ZBTB46: variants seen among roughly 807,000 people sequenced by gnomAD.
The protein encoded by ZBTB46 is zinc finger and BTB domain-containing protein 46.
A neutral mutation model predicts 44.1 loss-of-function variants in ZBTB46; 8 were observed. That is an observed-to-expected ratio of 0.18 (90% CI 0.11 to 0.33). The LOEUF is 0.33. Among genes scored for constraint, ZBTB46 ranks in the 10% least tolerant of loss-of-function variants. The pLI, the probability that ZBTB46 is intolerant of heterozygous loss-of-function variation, is 1.00. For missense variants in ZBTB46, 651 were observed against 847.7 expected (o/e 0.77, Z 2.88); for synonymous variants, 409 against 382.3 (o/e 1.07, Z -0.81).
chr20:63,757,647 C>T (rs1374165959), intron 3 of ZBTB46, among the ~76,000 whole-genome samples: 6 of 152,178 alleles, frequency 3.9e-5, no homozygotes, highest in Non-Finnish European at 8.8e-5. Context: ...TTTCCAAGAT[C>T]ACCTTAGCCA....
intron 1 of ZBTB46, among the ~76,000 whole-genome samples, chr20:63,809,984 A>G (rs2092708721): frequency 6.6e-6 from 1 of 151,776 alleles, no homozygotes; most frequent in South Asian, 2.1e-4. Context: ...AGAAAAGAAA[A>G]CTCTAAATAC....
At chr20:63,748,337 C>G (rs763502676) in intron 4 of ZBTB46, among the ~76,000 whole-genome samples, 8 of 152,216 alleles carry the variant, frequency 5.3e-5, no homozygotes, top group Admixed American at 1.3e-4. Flanking sequence ...GCACTGGCCT[C>G]AAGGCCTGAG....
chr20:63,784,436 G>A (rs2092496028), intron 2 of ZBTB46, among the ~76,000 whole-genome samples: 1 of 152,188 alleles, frequency 6.6e-6, no homozygotes, highest in Non-Finnish European at 1.5e-5. Context: ...CACCTCACCA[G>A]GGTTCAAGTA....
intron 2 of ZBTB46, among the ~76,000 whole-genome samples, chr20:63,788,621 C>T (rs751649803): frequency 2.0e-4 from 31 of 151,986 alleles, no homozygotes; most frequent in Non-Finnish European, 4.1e-4. Context: ...GGTGGATCAC[C>T]TGAAGTCAGG....
At chr20:63,819,530 A>T (rs972362416) in intron 1 of ZBTB46, among the ~76,000 whole-genome samples, 4 of 152,160 alleles carry the variant, frequency 2.6e-5, no homozygotes, top group Admixed American at 2.6e-4. Context: ...GGTCCCACAG[A>T]CGATGGGACC....
At chr20:63,759,869 A>T (rs1186207269) in intron 3 of ZBTB46, among the ~76,000 whole-genome samples, 1 of 151,848 alleles carries the variant, frequency 6.6e-6, no homozygotes. Flanking sequence ...ATTTTATCAA[A>T]AGTGTTTCCT....
At chr20:63,832,656 C>G (rs2092858142), upstream of ZBTB46, among the ~76,000 whole-genome samples, 1 of 152,116 alleles carries the variant, frequency 6.6e-6, no homozygotes, top group Non-Finnish European at 1.5e-5. The surrounding 1 kb of genome is among the most constrained non-coding windows in gnomAD (Gnocchi z 5.0). Flanking sequence ...ACACCCCGTT[C>G]CCATCCCCTC....
intron 1 of ZBTB46, among the ~76,000 whole-genome samples, chr20:63,830,817 C>A (rs1344350692): frequency 1.4e-5 from 2 of 144,468 alleles, no homozygotes; most frequent in Non-Finnish European, 3.1e-5. Context: ...GCGGGGAACC[C>A]GCGCCGCCCC....
At chr20:63,830,723 G>C (rs1318091700) in intron 1 of ZBTB46, among the ~76,000 whole-genome samples, 4 of 148,710 alleles carry the variant, frequency 2.7e-5, no homozygotes, top group Non-Finnish European at 6.0e-5. Context: ...CCTCTCGGAG[G>C]TGCCGGGGAG....
chr20:63,821,960 G>A (rs944035192), intron 1 of ZBTB46, among the ~76,000 whole-genome samples: 2 of 152,152 alleles, frequency 1.3e-5, no homozygotes, highest in Non-Finnish European at 2.9e-5. Flanking sequence ...AGGCTGTCCC[G>A]CAGCCTGCCC....
At position 63,775,745 on chromosome 20, in the gene ZBTB46, G is replaced by A. The variant is rs752573340; in HGVS notation, c.1155C>T (p.Ala385=). The change falls in exon 3 of 5, where the codon GCC becomes GCT. Residue 385 remains alanine, a synonymous_variant. Coordinates refer to ENST00000245663, the MANE Select transcript of ZBTB46 (RefSeq NM_001369741.1). ...MSKNSLLSLK[A]DVLGDDGSLL... is the part of the protein sequence containing the mutation. The stretch of plus-strand genomic sequence containing the variant: ...GGGAGCCGTCATCCCCCAGCACGTC[G>A]GCCTTCAGCGACAGCAGGCTGTTCT... 11 of 1,612,312 alleles carry A rather than the reference G, an allele frequency of 6.8e-6. No homozygotes were observed. The highest frequency in any genetic ancestry group is 2.2e-5 in the East Asian group (1 of 44,854).
chr20:63,806,490 A>C (rs2092682491), intron 1 of ZBTB46, among the ~76,000 whole-genome samples: 1 of 152,110 alleles, frequency 6.6e-6, no homozygotes, highest in Non-Finnish European at 1.5e-5. Flanking sequence ...TAAATCTGAG[A>C]TACTGCTATG....
chr20:63,770,978 C>T (rs1179149508), intron 3 of ZBTB46, among the ~76,000 whole-genome samples: 1 of 104,586 alleles, frequency 9.6e-6, no homozygotes, highest in Non-Finnish European at 2.1e-5. Flanking sequence ...ACAGCAGCCA[C>T]GCCGCTCGAA....
chr20:63,753,339 G>A (rs2092189083), intron 3 of ZBTB46, among the ~76,000 whole-genome samples: 1 of 152,228 alleles, frequency 6.6e-6, no homozygotes, highest in African/African-American at 2.4e-5. Context: ...CGAAATGGGA[G>A]ATGTGGGTGC....
intron 3 of ZBTB46, among the ~76,000 whole-genome samples, chr20:63,774,190 G>A (rs748200690): frequency 4.3e-4 from 65 of 151,728 alleles, no homozygotes; most frequent in Non-Finnish European, 7.5e-4. Flanking sequence ...AAGACCCTTC[G>A]ACGGACACGG....
intron 2 of ZBTB46, chr20:63,788,077 T>A (rs976729423): frequency 6.6e-6 from 1 of 152,310 alleles, no homozygotes; most frequent in Non-Finnish European, 1.5e-5. Flanking sequence ...TGGAGGAACC[T>A]CCCCACGGGC....
chr20:63,820,341 C>T (rs1171545391), intron 1 of ZBTB46, among the ~76,000 whole-genome samples: 2 of 152,010 alleles, frequency 1.3e-5, no homozygotes, highest in Non-Finnish European at 2.9e-5. Context: ...CCTCATGATC[C>T]GCCTGCCTCG....
At chr20:63,832,012 C>A (rs568044320), upstream of ZBTB46, among the ~76,000 whole-genome samples, 1 of 151,984 alleles carries the variant, frequency 6.6e-6, no homozygotes, top group Non-Finnish European at 1.5e-5. The surrounding 1 kb of genome is among the most constrained non-coding windows in gnomAD (Gnocchi z 5.0). Flanking sequence ...TGGGGGTGCC[C>A]GCCAGTGGGG....
Position 63,767,085 on chromosome 20 carries a change from CG to C in ZBTB46, c.1222+8592del, listed in dbSNP as rs2092326653. The stretch of plus-strand genomic sequence containing the variant: ...CCGACGAGGACGGGCAAGGGCACCG[CG>C]GGGCGCTCTTTCTGAAAAGCAGCAC... On this transcript the variant is annotated intron_variant, in intron 3 of 4. Transcript: ENST00000245663. This position sits in a 1 kb window ranked among gnomAD's most constrained non-coding sequence, Gnocchi z 5.0. Among the ~76,000 whole-genome samples, 1 of 152,244 alleles carries C rather than the reference CG, an allele frequency of 6.6e-6. No homozygotes were observed. Among genetic ancestry groups the C allele is most frequent in the Non-Finnish European group, 1.5e-5 (1 of 68,042 alleles).
Sources: gnomAD v4.1 joint callset for allele counts (sites outside exome capture counted in the v4.1 genomes callset) on GRCh38, gnomAD v4.1.1 for gene constraint, Gnocchi (gnomAD v3.1) non-coding constraint, MANE v1.5 for transcripts, NCBI Gene and HGNC (gene_info 2026-07-23, HGNC 2026-07-21) for gene names.